Variants in ZNF214 observed in about 807,000 individuals in gnomAD.
ZNF214 encodes the protein zinc finger protein 214.
A neutral mutation model predicts 53.9 loss-of-function variants in ZNF214; 43 were observed. That is an observed-to-expected ratio of 0.80 (90% CI 0.63 to 1.03). ZNF214 has a LOEUF of 1.03. ZNF214 is among the 50% of genes least tolerant of loss of function. ZNF214 has a pLI of 0.00. For synonymous variants in ZNF214, 217 were observed against 229.5 expected (o/e 0.95, Z 0.49); for missense variants, 724 against 719.1 (o/e 1.01, Z -0.08).
chr11:7,001,262 A>G lies in ZNF214; in HGVS notation c.421T>C (p.Ser141Pro), dbSNP rs765245535. ...TCTTGAGTGGTTTTTGTTTCTAAGG[A>G]CTGCCAAGGCATAAAATTTTTATAT... ...LKYKNFMPWQ[S>P]LETKTTQDYG... is the part of the protein sequence containing the mutation. Residue 141 changes from serine to proline, a missense_variant, in exon 3 of 3, where the codon TCC becomes CCC. Coordinates refer to ENST00000278314, the MANE Select transcript of ZNF214 (RefSeq NM_013249.4). The G allele has an allele frequency of 1.2e-6, 2 of 1,613,130 alleles. No individual in the cohort carries two copies. The highest frequency in any genetic ancestry group is 2.7e-5 in the African/African-American group (2 of 74,858).
rs1381429781 is a variant in ZNF214 at position 6,997,791 on chromosome 11, C to G, written c.*2071G>C. Among the ~76,000 whole-genome samples, 5 of 151,698 alleles carry G rather than the reference C, an allele frequency of 3.3e-5. No individual in the cohort carries two copies. The South Asian group carries it at 1.0e-3, about 32-fold the overall frequency. On this transcript the variant is annotated 3_prime_UTR_variant, in exon 3 of 3. Transcript: ENST00000278314. Reference sequence around the variant, plus strand: ...AAGTCCCATGCAATATTTGGGACACCCTTATACTAAAACAATTATTCTTTG... The same window carrying G: ...AAGTCCCATGCAATATTTGGGACACGCTTATACTAAAACAATTATTCTTTG...
intron 1 of ZNF214, among the ~76,000 whole-genome samples, chr11:7,006,362 C>T (rs1161425624): frequency 6.6e-6 from 1 of 152,066 alleles, no homozygotes; most frequent in Non-Finnish European, 1.5e-5. Flanking sequence ...GTCCTCTCAT[C>T]TATGAACACA....
rs1851305700 is a variant in ZNF214 at position 7,000,447 on chromosome 11, C to T, written c.1236G>A (p.Lys412=). ...RIHQLVHTGE[K]SYKCEDCGKG... ...TACCACAGTCTTCACATTTATAAGACTTCTCTCCTGTGTGTACTAACTGAT... is the reference window on the plus strand; with the variant it reads ...TACCACAGTCTTCACATTTATAAGATTTCTCTCCTGTGTGTACTAACTGAT... Residue 412 remains lysine, a synonymous_variant, in exon 3 of 3, where the codon AAG becomes AAA. Coordinates refer to ENST00000278314, the MANE Select transcript of ZNF214 (RefSeq NM_013249.4). The T allele has an allele frequency of 6.2e-7, 1 of 1,613,204 alleles. No individual in the cohort carries two copies. Among genetic ancestry groups the T allele is most frequent in the Non-Finnish European group, 8.5e-7 (1 of 1,179,614 alleles).
chr11:7,018,524 G>A (rs1439802093), intron 1 of ZNF214, among the ~76,000 whole-genome samples: 1 of 73,272 alleles, frequency 1.4e-5, no homozygotes, highest in Non-Finnish European at 3.2e-5. Flanking sequence ...TTTTTTGAGA[G>A]GGAGTCTTCC....
Position 7,006,442 on chromosome 11 carries a change from A to G in ZNF214, c.-20-3587T>C, listed in dbSNP as rs866596811. Among the ~76,000 whole-genome samples the G allele has an allele frequency of 4.6e-5, 7 of 152,060 alleles. No individual in the cohort carries two copies. In the South Asian group the frequency reaches 1.2e-3, roughly 27 times the overall value. On this transcript the variant is annotated intron_variant, in intron 1 of 2. Transcript: ENST00000278314. ...GGTCAGTTAAAATCATTCTCTATACATCTGGAGTTTTGATTCCTTCTTCTA... is the reference window on the plus strand; with the variant it reads ...GGTCAGTTAAAATCATTCTCTATACGTCTGGAGTTTTGATTCCTTCTTCTA...
chr11:7,005,939 A>G (rs1380621912), intron 1 of ZNF214, among the ~76,000 whole-genome samples: 1 of 152,018 alleles, frequency 6.6e-6, no homozygotes, highest in Non-Finnish European at 1.5e-5. Context: ...TCCCAAACTT[A>G]CTCTCTTTCA....
At chr11:7,009,136 C>G (rs1436911884) in intron 1 of ZNF214, among the ~76,000 whole-genome samples, 5 of 151,942 alleles carry the variant, frequency 3.3e-5, no homozygotes, top group Non-Finnish European at 7.4e-5. Flanking sequence ...CAATCCTAAG[C>G]AAAATGAACA....
Position 7,002,849 on chromosome 11 carries a change from A to G in ZNF214, c.-14T>C, listed in dbSNP as rs1270588556. The stretch of plus-strand genomic sequence containing the variant: ...TGTTACTGCCATCTGGTCAAAGATC[A>G]GGCTTTCTAGGAAAAAGAAATCTAA... On this transcript the variant is annotated 5_prime_UTR_variant, in exon 2 of 3. Coordinates refer to ENST00000278314, the MANE Select transcript of ZNF214 (RefSeq NM_013249.4). The G allele has an allele frequency of 6.3e-7, 1 of 1,579,842 alleles. No individual in the cohort carries two copies. The highest frequency in any genetic ancestry group is 8.6e-7 in the Non-Finnish European group (1 of 1,167,762).
chr11:7,000,388 T>C lies in ZNF214; in HGVS notation c.1295A>G (p.His432Arg). The change falls in exon 3 of 3, where the codon CAT becomes CGT. Residue 432 changes from histidine (H) to arginine (R), a missense_variant. His to Arg is a conservative substitution (Grantham distance 29, BLOSUM62 0). Transcript: ENST00000278314. ...GFTQRSNLQI[H>R]QRVHTGEKPY... ...TTTCTCTCCTGTATGCACTCTCTGA[T>C]GAATTTGAAGATTTGAGCGCTGGGT... 6.2e-7 allele frequency: 1 copy of C among 1,613,492 alleles called. No homozygotes were observed. The highest frequency in any genetic ancestry group is 1.1e-5 in the South Asian group (1 of 91,060).
At position 7,001,410 on chromosome 11, in the gene ZNF214, A is replaced by G; in HGVS notation, c.273T>C (p.Asp91=). 2.5e-6 allele frequency: 4 copies of G among 1,613,236 alleles called. No homozygotes were observed. The highest frequency in any genetic ancestry group is 2.5e-6 in the Non-Finnish European group (3 of 1,179,398). The change falls in exon 3 of 3, where the codon GAT becomes GAC. Residue 91 remains aspartate, a synonymous_variant. Transcript: ENST00000278314. ...GATCTTGCTGTGTGAGGTCTTTGGA[A>G]TCTGTCCCTTGAACAGTTTCCCCAT... The part of the protein sequence containing the change: ...QNYGETVQGT[D]SKDLTQQDRS...
rs1357186064 is a variant in ZNF214, at chr11:6,999,873, C to T, written c.1810G>A (p.Gly604Arg). The change falls in exon 3 of 3, where the codon GGA (glycine) becomes AGA (arginine). Residue 604 changes from glycine to arginine, a missense_variant. By Grantham distance (125) the Gly-to-Arg change is moderately radical (BLOSUM62 -2). Transcript: ENST00000278314. The stretch of plus-strand genomic sequence containing the variant: ...TAAATGAACAATATTTATAAGTTTC[C>T]TCTTCTATGATTATTGTGAAGATGT... The part of the protein sequence containing the change: ...NSHLHNNHRR[G>R]NL The T allele has an allele frequency of 2.5e-6, 4 of 1,602,026 alleles. No individual in the cohort carries two copies. Among genetic ancestry groups the T allele is most frequent in the Admixed American group, 1.7e-5 (1 of 58,360 alleles).
intron 1 of ZNF214, among the ~76,000 whole-genome samples, chr11:7,006,867 T>G (rs889473834): frequency 2.6e-5 from 4 of 152,010 alleles, no homozygotes; most frequent in Non-Finnish European, 5.9e-5. Context: ...ACATATACAC[T>G]TACCTATTTT....
chr11:7,010,449 A>T (rs997754908), intron 1 of ZNF214, among the ~76,000 whole-genome samples: 2 of 151,948 alleles, frequency 1.3e-5, no homozygotes, highest in African/African-American at 4.8e-5. Flanking sequence ...GGAAGAGGAT[A>T]AAAAAACTAC....
At chr11:7,019,031 T>C (rs1206247147) in intron 1 of ZNF214, among the ~76,000 whole-genome samples, 2 of 152,140 alleles carry the variant, frequency 1.3e-5, no homozygotes, top group East Asian at 3.9e-4. Context: ...TGCAGGGACA[T>C]TTTGTAAATG....
At chr11:7,018,601 A>G (rs1330058422) in intron 1 of ZNF214, among the ~76,000 whole-genome samples, 2 of 144,448 alleles carry the variant, frequency 1.4e-5, no homozygotes, top group Non-Finnish European at 3.0e-5. Context: ...TCCCGGGTTC[A>G]AGCAATTCTC....
chr11:6,999,074 C>G lies in ZNF214; in HGVS notation c.*788G>C, dbSNP rs953729849. Among the ~76,000 whole-genome samples the G allele has an allele frequency of 6.6e-6, 1 of 151,972 alleles. No homozygotes were observed. Among genetic ancestry groups the G allele is most frequent in the African/African-American group, 2.4e-5 (1 of 41,414 alleles). ...TACTGCTTGGATCTCTAATTCCGAA[C>G]CAATGGAGTATCTTCCATTTCTAGC... On this transcript the variant is annotated 3_prime_UTR_variant, in exon 3 of 3. Transcript: ENST00000278314.
Position 7,000,531 on chromosome 11 carries a change from T to C in ZNF214, c.1152A>G (p.Lys384=). 1.2e-6 allele frequency: 2 copies of C among 1,612,008 alleles called. No homozygotes were observed. Among genetic ancestry groups the C allele is most frequent in the Non-Finnish European group, 1.7e-6 (2 of 1,179,084 alleles). Residue 384 remains lysine, a synonymous_variant, in exon 3 of 3, where the codon AAA becomes AAG. Transcript: ENST00000278314. ...TACCACACTCATCACACTTATATGG[T>C]TTTTCTCCTGTGTGGACTCTCTGAT... The part of the protein sequence containing the change: ...HVHQRVHTGE[K]PYKCDECGKG...
At chr11:7,012,093 G>T (rs1851618540) in intron 1 of ZNF214, among the ~76,000 whole-genome samples, 1 of 152,030 alleles carries the variant, frequency 6.6e-6, no homozygotes, top group Non-Finnish European at 1.5e-5. Context: ...GAAATAAGTT[G>T]GTAAAGACAA....
rs1262767360 is a variant in ZNF214, at chr11:7,000,148, T to C, written c.1535A>G (p.His512Arg). 6.2e-7 allele frequency: 1 copy of C among 1,613,150 alleles called. No individual in the cohort carries two copies. The highest frequency in any genetic ancestry group is 2.2e-5 in the East Asian group (1 of 44,838). Residue 512 changes from histidine (H) to arginine (R), a missense_variant, in exon 3 of 3, where the codon CAT (histidine) becomes CGT (arginine). His to Arg is a conservative substitution (Grantham distance 29). Transcript: ENST00000278314. ...ATGGACTCTCTGATGAATGAGAAGA[T>C]GTGAACGCTGACTGAATCCCTTGCC... ...ECGKGFSQRS[H>R]LLIHQRVHTG...
Sources: allele counts gnomAD v4.1 joint callset (sites outside exome capture counted in the v4.1 genomes callset), GRCh38; gene constraint gnomAD v4.1.1; transcripts MANE v1.5; gene names NCBI Gene and HGNC (gene_info 2026-07-23, HGNC 2026-07-21).